Variants in GRK2 observed in about 807,000 individuals in gnomAD.
The protein encoded by GRK2 is adrenergic beta receptor kinase 1.
GRK2 carries 23 observed loss-of-function variants against 97.8 expected under a neutral mutation model. The ratio of observed to expected loss-of-function variants is 0.24; its 90% CI spans 0.17 to 0.33. The LOEUF (loss-of-function observed/expected upper bound fraction) is 0.33, where lower values mean the gene tolerates loss of function less well. Ranked by LOEUF, GRK2 falls within the 10% of genes least tolerant of loss-of-function variation. The probability of loss-of-function intolerance (pLI) is 1.00; values close to 1 mark genes in which losing one functional copy is unlikely to be tolerated. For missense variants in GRK2, 633 were observed against 956.9 expected, an observed-to-expected ratio of 0.66 and a Z score of 4.47; for synonymous variants, 425 against 381.7, an observed-to-expected ratio of 1.11 and a Z score of -1.32.
chr11:67,283,059 C>T lies in GRK2; in HGVS notation c.1228-69C>T. On this transcript the variant is annotated intron_variant, in intron 14 of 20. Coordinates refer to ENST00000308595, the MANE Select transcript of GRK2 (RefSeq NM_001619.5). ...CCTCTGCGGGGGCCTGGACCCCTCTCTCCCCTGAGCTGGGATGGGGTCAAG... is the reference window on the plus strand; with the variant it reads ...CCTCTGCGGGGGCCTGGACCCCTCTTTCCCCTGAGCTGGGATGGGGTCAAG... The T allele has an allele frequency of 6.0e-6, 9 of 1,502,290 alleles. 1 individual carries two copies. The South Asian group carries it at 1.0e-4, about 17-fold the overall frequency. The allele number at this position is 1,502,290 out of a possible 1,614,324, so 93.1% of individuals were successfully genotyped here. A position where few individuals can be genotyped will look rare whatever the true frequency, so the allele number is the denominator to read the frequency against.
Position 67,282,064 on chromosome 11 carries a change from G to T in GRK2, c.957+112G>T. 1 of 1,426,812 alleles carries T rather than the reference G, an allele frequency of 7.0e-7. No individual in the cohort carries two copies. The highest frequency in any genetic ancestry group is 1.3e-5 in the South Asian group (1 of 78,872). The allele number at this position is 1,426,812 out of a possible 1,614,324, so 88.4% of individuals were successfully genotyped here. On this transcript the variant is annotated intron_variant, in intron 11 of 20. Coordinates refer to ENST00000308595, the MANE Select transcript of GRK2 (RefSeq NM_001619.5). The surrounding 1 kb of genome is among the most constrained non-coding windows in gnomAD (Gnocchi z 6.9). ...GGGGCTCCTGGGACATGGCCGCCCCGTATCTTCCCATCTCCGCCCCTGCCC... is the reference window on the plus strand; with the variant it reads ...GGGGCTCCTGGGACATGGCCGCCCCTTATCTTCCCATCTCCGCCCCTGCCC...
At position 67,270,490 on chromosome 11, in the gene GRK2, C is replaced by T. The variant is rs376269503; in HGVS notation, c.113+3678C>T. On this transcript the variant is annotated intron_variant, in intron 1 of 20. Transcript: ENST00000308595. Reference sequence around the variant, plus strand: ...CGCTGCCTCGTTCCTGTTAACTCTTCGCAGCCAGAACTTCCTGCCCTCGAT... The same window carrying T: ...CGCTGCCTCGTTCCTGTTAACTCTTTGCAGCCAGAACTTCCTGCCCTCGAT... 7.9e-5 allele frequency among the ~76,000 whole-genome samples: 12 copies of T among 152,212 alleles called. No homozygotes were observed. In the East Asian group the frequency reaches 1.9e-3, roughly 25 times the overall value.
intron 1 of GRK2, among the ~76,000 whole-genome samples, chr11:67,275,642 C>T (rs527784180): frequency 1.2e-4 from 18 of 152,202 alleles, no homozygotes; most frequent in Non-Finnish European, 2.5e-4. Context: ...CCCTGCCCTC[C>T]GCCTCACCAT....
chr11:67,285,715 T>TTTTTAATGATACGGCGA lies in GRK2; in HGVS notation c.*265_*266insTTTTAATGATACGGCGA. 2.1e-6 allele frequency: 1 copy of TTTTTAATGATACGGCGA among 486,860 alleles called. No individual in the cohort carries two copies. 30.2% of individuals were successfully genotyped at this position (486,860 alleles called of 1,614,324 possible). A position where few individuals can be genotyped will look rare whatever the true frequency, so the allele number is the denominator to read the frequency against. On this transcript the variant is annotated 3_prime_UTR_variant, in exon 21 of 21. Coordinates refer to ENST00000308595, the MANE Select transcript of GRK2 (RefSeq NM_001619.5). ...GGAAGAGCACAGCCCTCCCGCCCCT[T>TTTTTAATGATACGGCGA]CCCCGAGGGATGATGCCACACCAAG...
rs1452158904 is a variant in GRK2 at position 67,276,607 on chromosome 11, A to T, written c.114-665A>T. The T allele has an allele frequency of 6.6e-6, 1 of 152,198 alleles. No homozygotes were observed. Among genetic ancestry groups the T allele is most frequent in the Non-Finnish European group, 1.5e-5 (1 of 68,042 alleles). 9.4% of individuals were successfully genotyped at this position (152,198 alleles called of 1,614,324 possible). On this transcript the variant is annotated intron_variant, in intron 1 of 20. Coordinates refer to ENST00000308595, the MANE Select transcript of GRK2 (RefSeq NM_001619.5). This position sits in a 1 kb window ranked among gnomAD's most constrained non-coding sequence, Gnocchi z 4.2. Reference sequence around the variant, plus strand: ...TTGAGATGCAATTCATATAAAATTCATCATTTTATTATACAATGTAGTGTT... The same window carrying T: ...TTGAGATGCAATTCATATAAAATTCTTCATTTTATTATACAATGTAGTGTT...
intron 1 of GRK2, among the ~76,000 whole-genome samples, chr11:67,267,320 G>T (rs1393955645): frequency 2.0e-5 from 3 of 152,172 alleles, no homozygotes; most frequent in Admixed American, 1.3e-4. Context: ...ACCCCCACCC[G>T]TCTCTCCTCC....
chr11:67,281,335 C>T lies in GRK2; in HGVS notation c.648-124C>T, dbSNP rs923277706. 1 of 1,109,138 alleles carries T rather than the reference C, an allele frequency of 9.0e-7. No individual in the cohort carries two copies. The highest frequency in any genetic ancestry group is 1.3e-6 in the Non-Finnish European group (1 of 753,082). 68.7% of individuals were successfully genotyped at this position (1,109,138 alleles called of 1,614,324 possible). A position where few individuals can be genotyped will look rare whatever the true frequency, so the allele number is the denominator to read the frequency against. On this transcript the variant is annotated intron_variant, in intron 8 of 20. Transcript: ENST00000308595. The surrounding 1 kb of genome is among the most constrained non-coding windows in gnomAD (Gnocchi z 5.7). The stretch of plus-strand genomic sequence containing the variant: ...CCCGCAGGCTCCTCTGGCCCCAGCC[C>T]TCCCTGTCTCTGATTTGTGTCACAC...
chr11:67,275,289 G>A (rs559588435), intron 1 of GRK2, among the ~76,000 whole-genome samples: 104 of 152,228 alleles, frequency 6.8e-4, no homozygotes, highest in African/African-American at 2.5e-3. Context: ...TCTCGAGGCC[G>A]AGGTCAGAGG....
At position 67,276,318 on chromosome 11, in the gene GRK2, CT is replaced by C. The variant is rs1738666689; in HGVS notation, c.114-952del. 1.3e-5 allele frequency among the ~76,000 whole-genome samples: 2 copies of C among 152,156 alleles called. No individual in the cohort carries two copies. The highest frequency in any genetic ancestry group is 1.5e-5 in the Non-Finnish European group (1 of 68,020). On this transcript the variant is annotated intron_variant, in intron 1 of 20. Coordinates refer to ENST00000308595, the MANE Select transcript of GRK2 (RefSeq NM_001619.5). This position sits in a 1 kb window ranked among gnomAD's most constrained non-coding sequence, Gnocchi z 4.2. ...GTTGGGACAGACCGGCAGGGCTGGG[CT>C]TGAGGTGGGCCAGGAGAGGGCAGGA...
intron 6 of GRK2, chr11:67,280,183 G>A (rs541329350): frequency 1.4e-5 from 7 of 507,066 alleles, no homozygotes; most frequent in Middle Eastern, 1.1e-3. Flanking sequence ...TTTCTCTCCC[G>A]TGGGCTGTAT....
In GRK2 at chr11:67,283,087, C is replaced by T. The variant is rs776730596; in HGVS notation, c.1228-41C>T. On this transcript the variant is annotated intron_variant, in intron 14 of 20. Transcript: ENST00000308595. ...CCCTGAGCTGGGATGGGGTCAAGGG[C>T]TCTTCCTAAGCCCCTGCTAATGTCC... 10 of 1,592,192 alleles carry T rather than the reference C, an allele frequency of 6.3e-6. 1 individual carries two copies. Among genetic ancestry groups the T allele is most frequent in the Middle Eastern group, 3.3e-4 (2 of 6,026 alleles).
rs775369211 is a variant in GRK2, at chr11:67,279,207, G to A, written c.198G>A (p.Leu66=). The change falls in exon 3 of 21, where the codon CTG becomes CTA. Residue 66 remains leucine (L), a synonymous_variant. Transcript: ENST00000308595. Reference sequence around the variant, plus strand: ...TTACACTGTTGCCTTCAGGGTACCTGCTCTTCCGAGACTTCTGCCTGAACC... The same window carrying A: ...TTACACTGTTGCCTTCAGGGTACCTACTCTTCCGAGACTTCTGCCTGAACC... ...EKIFSQKLGY[L]LFRDFCLNHL... The A allele has an allele frequency of 6.2e-7, 1 of 1,613,132 alleles. No homozygotes were observed. The highest frequency in any genetic ancestry group is 8.5e-7 in the Non-Finnish European group (1 of 1,179,852).
chr11:67,279,870 G>A lies in GRK2; in HGVS notation c.473G>A (p.Arg158Gln), dbSNP rs762912207. ...ATCGAAGAGATTTGTCAAAACCTCC[G>A]AGGGGACGTGTTCCAGAAATTCATT... ...PYIEEICQNL[R>Q]GDVFQKFIES... The change falls in exon 6 of 21, where the codon CGA becomes CAA. Residue 158 changes from arginine to glutamine, a missense_variant. By Grantham distance (43) the Arg-to-Gln change is conservative. Coordinates refer to ENST00000308595, the MANE Select transcript of GRK2 (RefSeq NM_001619.5). 6.2e-6 allele frequency: 10 copies of A among 1,613,982 alleles called. No homozygotes were observed. The highest frequency in any genetic ancestry group is 3.3e-5 in the South Asian group (3 of 91,088).
chr11:67,275,639 C>T (rs1860013801), intron 1 of GRK2, among the ~76,000 whole-genome samples: 1 of 152,212 alleles, frequency 6.6e-6, no homozygotes, highest in African/African-American at 2.4e-5. Context: ...AGGCCCTGCC[C>T]TCCGCCTCAC....
chr11:67,272,218 G>A (rs78940300), intron 1 of GRK2, among the ~76,000 whole-genome samples: 5,620 of 152,248 alleles, frequency 0.037, 436 homozygotes, highest in Admixed American at 0.18. Flanking sequence ...CAGAGGCTGG[G>A]CACAAGTCAG....
At position 67,282,379 on chromosome 11, in the gene GRK2, A is replaced by G; in HGVS notation, c.1052+14A>G. The G allele has an allele frequency of 8.6e-7, 1 of 1,165,822 alleles. No individual in the cohort carries two copies. The highest frequency in any genetic ancestry group is 2.2e-4 in the Middle Eastern group (1 of 4,612). The allele number at this position is 1,165,822 out of a possible 1,614,324, so 72.2% of individuals were successfully genotyped here. The stretch of plus-strand genomic sequence containing the variant: ...CCATGCCAGCGTGTGAGTGCCCCCC[A>G]CCCTCTCCCTCCCCACCCCTTGCCA... On this transcript the variant is annotated intron_variant, in intron 12 of 20. Transcript: ENST00000308595. This position sits in a 1 kb window ranked among gnomAD's most constrained non-coding sequence, Gnocchi z 6.9.
Position 67,280,800 on chromosome 11 carries a change from G to T in GRK2, c.555+17G>T. ...AACATCCACGTGAGTGGGCTTGGGT[G>T]GGGCATGGAAAGCCACGCACCCTGC... On this transcript the variant is annotated intron_variant, in intron 7 of 20. Transcript: ENST00000308595. The T allele has an allele frequency of 6.2e-7, 1 of 1,613,772 alleles. No individual in the cohort carries two copies. The highest frequency in any genetic ancestry group is 8.5e-7 in the Non-Finnish European group (1 of 1,179,844).
intron 1 of GRK2, among the ~76,000 whole-genome samples, chr11:67,270,448 C>T (rs1859882702): frequency 6.6e-6 from 1 of 151,958 alleles, no homozygotes; most frequent in Non-Finnish European, 1.5e-5. Context: ...TCTCCCCAGA[C>T]CCTGCCCCTG....
intron 5 of GRK2, 32 bp from the exon 6 acceptor site, chr11:67,279,806 GC>G (rs1184057563): frequency 1.2e-6 from 2 of 1,613,680 alleles, no homozygotes; most frequent in Admixed American, 3.3e-5. Context: ...GTCTCTCGGG[GC>G]TCAGTCACCA....
Sources: allele counts gnomAD v4.1 joint callset (sites outside exome capture counted in the v4.1 genomes callset), GRCh38; gene constraint gnomAD v4.1.1; non-coding constraint Gnocchi (gnomAD v3.1); transcripts MANE v1.5; gene names NCBI Gene and HGNC (gene_info 2026-07-23, HGNC 2026-07-21).